STK32B: variants seen among roughly 807,000 people sequenced by gnomAD.
STK32B encodes the protein serine/threonine kinase 32B.
A neutral mutation model predicts 52.6 loss-of-function variants in STK32B; 43 were observed. The ratio of observed to expected loss-of-function variants is 0.82; its 90% CI spans 0.64 to 1.05. STK32B has a LOEUF of 1.05. STK32B is among the 50% of genes least tolerant of loss of function. STK32B has a pLI of 0.00. For missense variants in STK32B, 621 were observed against 534.6 expected (o/e 1.16, Z -1.59); for synonymous variants, 238 against 204.3 (o/e 1.17, Z -1.41).
chr4:5,113,032 A>G (rs993582717), intron 1 of STK32B, among the ~76,000 whole-genome samples: 3 of 152,132 alleles, frequency 2.0e-5, no homozygotes, highest in Non-Finnish European at 4.4e-5. Flanking sequence ...GATGAGATGG[A>G]GCCTCTGTCA....
At chr4:5,144,321 A>G (rs983912769) in intron 2 of STK32B, among the ~76,000 whole-genome samples, 2 of 152,236 alleles carry the variant, frequency 1.3e-5, no homozygotes, top group Non-Finnish European at 2.9e-5. Flanking sequence ...ATGAGATGGT[A>G]TAGTAGAGTG....
chr4:5,466,174 T>C lies in STK32B; in HGVS notation c.910-529T>C, dbSNP rs1717418760. On this transcript the variant is annotated intron_variant, in intron 9 of 11. Transcript: ENST00000282908. Reference sequence around the variant, plus strand: ...AAGTCAGGGAGACCTAAATTCCTCCTGACCACAGCGGGAGGAGCCCCTGGC... The same window carrying C: ...AAGTCAGGGAGACCTAAATTCCTCCCGACCACAGCGGGAGGAGCCCCTGGC... 2.0e-5 allele frequency among the ~76,000 whole-genome samples: 3 copies of C among 152,076 alleles called. No homozygotes were observed. The South Asian group carries it at 6.2e-4, about 32-fold the overall frequency.
intron 3 of STK32B, among the ~76,000 whole-genome samples, chr4:5,213,398 A>G (rs1203275892): frequency 2.0e-5 from 3 of 152,212 alleles, no homozygotes; most frequent in Non-Finnish European, 4.4e-5. Flanking sequence ...CACTTGTTCA[A>G]AGCCATCCAG....
intron 11 of STK32B, among the ~76,000 whole-genome samples, chr4:5,476,242 G>A (rs531087912): frequency 6.6e-6 from 1 of 152,274 alleles, no homozygotes; most frequent in East Asian, 1.9e-4. Context: ...GAAAGAATAA[G>A]TCATCCGTCT....
intron 3 of STK32B, among the ~76,000 whole-genome samples, chr4:5,177,265 C>T (rs960786962): frequency 2.0e-5 from 3 of 152,126 alleles, no homozygotes; most frequent in Admixed American, 2.0e-4. Flanking sequence ...CTTCACAGGG[C>T]AGCAGGATGG....
chr4:5,473,892 A>G (rs1718030771), intron 11 of STK32B, among the ~76,000 whole-genome samples: 1 of 152,154 alleles, frequency 6.6e-6, no homozygotes, highest in Admixed American at 6.5e-5. Context: ...AGGCAGGTGG[A>G]TCACCTGAGG....
chr4:5,112,869 G>A (rs1399203957), intron 1 of STK32B, among the ~76,000 whole-genome samples: 3 of 152,164 alleles, frequency 2.0e-5, no homozygotes, highest in Admixed American at 1.3e-4. Context: ...GAATGTGACT[G>A]ATCAAAGTGA....
chr4:5,087,942 A>G (rs1039818555), intron 1 of STK32B, among the ~76,000 whole-genome samples: 10 of 152,088 alleles, frequency 6.6e-5, no homozygotes, highest in Admixed American at 5.9e-4. Flanking sequence ...TAAATGAACT[A>G]TAACTGATGG....
intron 3 of STK32B, among the ~76,000 whole-genome samples, chr4:5,284,491 A>G (rs534063812): frequency 6.6e-6 from 1 of 152,318 alleles, no homozygotes; most frequent in African/African-American, 2.4e-5. Context: ...CTTATCAATT[A>G]CTATGATAAA....
At chr4:5,177,491 T>G (rs1720004164) in intron 3 of STK32B, among the ~76,000 whole-genome samples, 1 of 152,088 alleles carries the variant, frequency 6.6e-6, no homozygotes, top group African/African-American at 2.4e-5. Flanking sequence ...CCCTGGTCCC[T>G]CCCAGATCTC....
At chr4:5,339,578 A>T (rs970811491) in intron 4 of STK32B, among the ~76,000 whole-genome samples, 2 of 152,210 alleles carry the variant, frequency 1.3e-5, no homozygotes, top group African/African-American at 4.8e-5. Flanking sequence ...TGTACCAGAC[A>T]CTTTCAATGC....
intron 1 of STK32B, among the ~76,000 whole-genome samples, chr4:5,086,724 G>T (rs1045278843): frequency 6.6e-6 from 1 of 151,950 alleles, no homozygotes; most frequent in African/African-American, 2.4e-5. Context: ...GACTCATCAG[G>T]TGTAGTAAGA....
chr4:5,089,098 A>G lies in STK32B; in HGVS notation c.52+37183A>G, dbSNP rs188539597. ...GACTGAAAGTACTAAAATTAGGAAT[A>G]AAAGTGGGGACATTTCTACTAACCT... On this transcript the variant is annotated intron_variant, in intron 1 of 11. Coordinates refer to ENST00000282908, the MANE Select transcript of STK32B (RefSeq NM_018401.3). Among the ~76,000 whole-genome samples the G allele has an allele frequency of 1.8e-3, 268 of 152,276 alleles. 1 individual carries two copies. The highest frequency in any genetic ancestry group is 3.4e-3 in the Non-Finnish European group (228 of 68,030).
chr4:5,446,054 T>TGCTCC lies in STK32B; in HGVS notation c.563-619_563-618insGCTCC, dbSNP rs1276348090. On this transcript the variant is annotated intron_variant, in intron 6 of 11. Coordinates refer to ENST00000282908, the MANE Select transcript of STK32B (RefSeq NM_018401.3). Reference sequence around the variant, plus strand: ...ACCCCACCCGTTCTCCCAGCAAACATACTCCACCAATCCACCCCCTCCAGG... The same window carrying TGCTCC: ...ACCCCACCCGTTCTCCCAGCAAACATGCTCCACTCCACCAATCCACCCCCTCCAGG... Among the ~76,000 whole-genome samples, 4 of 152,202 alleles carry TGCTCC rather than the reference T, an allele frequency of 2.6e-5. No homozygotes were observed. The East Asian group carries it at 7.7e-4, about 29-fold the overall frequency.
At chr4:5,333,082 C>T (rs536952729) in intron 4 of STK32B, among the ~76,000 whole-genome samples, 1 of 147,736 alleles carries the variant, frequency 6.8e-6, no homozygotes, top group East Asian at 1.9e-4. Context: ...CTGACTTCCA[C>T]AATGGTTGAA....
At chr4:5,437,646 C>T (rs986387212) in intron 6 of STK32B, among the ~76,000 whole-genome samples, 6 of 152,154 alleles carry the variant, frequency 3.9e-5, no homozygotes, top group Non-Finnish European at 5.9e-5. Flanking sequence ...ATGATTCGGC[C>T]CACTACATCT....
intron 3 of STK32B, among the ~76,000 whole-genome samples, chr4:5,274,502 C>T (rs1179170539): frequency 6.6e-6 from 1 of 151,632 alleles, no homozygotes; most frequent in Admixed American, 6.6e-5. Context: ...CCACATCCAC[C>T]TTTAAACACG....
At chr4:5,437,071 G>A (rs115094406) in intron 6 of STK32B, among the ~76,000 whole-genome samples, 2 of 152,326 alleles carry the variant, frequency 1.3e-5, no homozygotes, top group Non-Finnish European at 2.9e-5. Context: ...GGGTGCACCA[G>A]GGCACCAATC....
At chr4:5,466,487 G>A (rs1717442439) in intron 9 of STK32B, among the ~76,000 whole-genome samples, 1 of 152,200 alleles carries the variant, frequency 6.6e-6, no homozygotes, top group South Asian at 2.1e-4. Flanking sequence ...CAGGAGTGCG[G>A]TTGCCCCAGG....
Sources: allele counts gnomAD v4.1 joint callset (sites outside exome capture counted in the v4.1 genomes callset), GRCh38; gene constraint gnomAD v4.1.1; transcripts MANE v1.5; gene names NCBI Gene and HGNC (gene_info 2026-07-23, HGNC 2026-07-21).